The following THSD4 variants were observed in gnomAD, a reference collection of about 807,000 sequenced individuals.
THSD4 encodes thrombospondin type-1 domain-containing protein 4.
Under a neutral mutation model 119.0 loss-of-function variants are expected in THSD4, and 69 were observed. The ratio of observed to expected loss-of-function variants is 0.58; its 90% CI spans 0.48 to 0.71. THSD4 has a LOEUF of 0.71. Among genes scored for constraint, THSD4 ranks in the 30% least tolerant of loss-of-function variants. THSD4 has a pLI of 0.00. For synonymous variants in THSD4, 524 were observed against 540.4 expected (o/e 0.97, Z 0.42); for missense variants, 1,393 against 1,391.1 (o/e 1.00, Z -0.02).
At chr15:71,558,675 T>C (rs2049062772) in intron 7 of THSD4, among the ~76,000 whole-genome samples, 1 of 152,150 alleles carries the variant, frequency 6.6e-6, no homozygotes, top group Non-Finnish European at 1.5e-5. Flanking sequence ...CTTTCTATGT[T>C]GACCAAGCTG....
intron 8 of THSD4, among the ~76,000 whole-genome samples, chr15:71,673,185 A>G (rs1220426282): frequency 6.6e-6 from 1 of 152,160 alleles, no homozygotes; most frequent in Non-Finnish European, 1.5e-5. Context: ...TGGTCTATTC[A>G]GGGATTCAAC....
chr15:71,396,218 C>T (rs1252618723), intron 6 of THSD4, among the ~76,000 whole-genome samples: 1 of 151,926 alleles, frequency 6.6e-6, no homozygotes, highest in Non-Finnish European at 1.5e-5. Flanking sequence ...GATACACCCA[C>T]ATATCTATAC....
chr15:71,103,681 C>T (rs1344291941), intron 1 of THSD4, among the ~76,000 whole-genome samples: 2 of 152,026 alleles, frequency 1.3e-5, no homozygotes, highest in African/African-American at 4.8e-5. Context: ...CTCTTGGAAT[C>T]TTAGATGACT....
At chr15:71,380,023 T>C (rs1309710826) in intron 6 of THSD4, among the ~76,000 whole-genome samples, 2 of 152,086 alleles carry the variant, frequency 1.3e-5, no homozygotes, top group African/African-American at 4.8e-5. Flanking sequence ...AGCTTGGAGT[T>C]TGCCTTATAG....
chr15:71,612,905 C>T (rs1030070997), intron 7 of THSD4, among the ~76,000 whole-genome samples: 3 of 152,198 alleles, frequency 2.0e-5, no homozygotes, highest in Non-Finnish European at 4.4e-5. Flanking sequence ...GAAGTAAACT[C>T]ATAGATTAGT....
At chr15:71,715,860 A>G (rs1481143069) in intron 8 of THSD4, among the ~76,000 whole-genome samples, 1 of 151,938 alleles carries the variant, frequency 6.6e-6, no homozygotes, top group East Asian at 1.9e-4. Context: ...CAAGCCAACC[A>G]AAACACCCAC....
rs149833453 is a variant in THSD4, at chr15:71,335,738, A to G, written c.1016-75949A>G. ...GCAGCTGAGACCTCAACAGCTGTTT[A>G]TCTTCCTGGTCATGTTTCTGGTTTC... On this transcript the variant is annotated intron_variant, in intron 6 of 17. Coordinates refer to ENST00000261862, the MANE Select transcript of THSD4 (RefSeq NM_024817.3). Among the ~76,000 whole-genome samples the G allele has an allele frequency of 2.4e-4, 37 of 152,246 alleles. No homozygotes were observed. In the East Asian group the frequency reaches 6.6e-3, roughly 27 times the overall value.
chr15:71,404,491 G>T (rs2046578667), intron 6 of THSD4, among the ~76,000 whole-genome samples: 2 of 152,190 alleles, frequency 1.3e-5, no homozygotes, highest in African/African-American at 4.8e-5. Context: ...CCATTCACCA[G>T]TTGAGAGACA....
At chr15:71,305,487 T>C (rs903520779) in intron 6 of THSD4, among the ~76,000 whole-genome samples, 4 of 152,084 alleles carry the variant, frequency 2.6e-5, no homozygotes, top group African/African-American at 9.7e-5. Flanking sequence ...GTAGTTAACG[T>C]GGGGTTGGAG....
intron 5 of THSD4, among the ~76,000 whole-genome samples, chr15:71,251,614 C>G (rs1431544126): frequency 1.3e-5 from 2 of 152,150 alleles, no homozygotes; most frequent in Admixed American, 6.5e-5. Flanking sequence ...GGTAGCTGGT[C>G]TTTTGATTGA....
chr15:71,433,133 G>A (rs2046964010), intron 7 of THSD4, among the ~76,000 whole-genome samples: 1 of 151,306 alleles, frequency 6.6e-6, no homozygotes, highest in Non-Finnish European at 1.5e-5. Context: ...TTTTTAATGT[G>A]GAAGACGGCA....
intron 7 of THSD4, among the ~76,000 whole-genome samples, chr15:71,496,781 A>G (rs900837009): frequency 6.6e-6 from 1 of 152,232 alleles, no homozygotes; most frequent in East Asian, 1.9e-4. Flanking sequence ...GAAGTGACTC[A>G]GTCTCTACCA....
intron 7 of THSD4, among the ~76,000 whole-genome samples, chr15:71,650,580 C>A (rs1354319869): frequency 6.6e-6 from 1 of 152,166 alleles, no homozygotes; most frequent in Non-Finnish European, 1.5e-5. Context: ...TCCCAAGGCA[C>A]AAGGCTACTT....
intron 10 of THSD4, among the ~76,000 whole-genome samples, chr15:71,734,275 G>A (rs12594405): frequency 0.8 from 121,840 of 152,082 alleles, 50,613 homozygotes; most frequent in Middle Eastern, 0.93. Flanking sequence ...AAGTCCTTCA[G>A]TAGGTGGATA....
At chr15:71,734,117 G>A (rs2053036561) in intron 10 of THSD4, among the ~76,000 whole-genome samples, 1 of 151,938 alleles carries the variant, frequency 6.6e-6, no homozygotes, top group Admixed American at 6.6e-5. Flanking sequence ...CCCCCTTGTA[G>A]TTTTAACTGT....
chr15:71,237,083 C>T lies in THSD4; in HGVS notation c.465-5566C>T, dbSNP rs552956014. On this transcript the variant is annotated intron_variant, in intron 4 of 17. Coordinates refer to ENST00000261862, the MANE Select transcript of THSD4 (RefSeq NM_024817.3). The stretch of plus-strand genomic sequence containing the variant: ...AGTGGTGTGGGTGGTCCATGCAGGG[C>T]CAGGGCTGACAAGAGATGCAGCAGG... Among the ~76,000 whole-genome samples the T allele has an allele frequency of 3.3e-5, 5 of 152,186 alleles. No homozygotes were observed. In the East Asian group the frequency reaches 9.7e-4, roughly 29 times the overall value.
At chr15:71,730,489 C>T (rs2052955481) in intron 9 of THSD4, 1 of 152,698 alleles carries the variant, frequency 6.5e-6, no homozygotes, top group Admixed American at 6.5e-5. Context: ...TTCCACAGTC[C>T]TACGTAGATT....
chr15:71,747,781 C>T (rs955009542), intron 13 of THSD4, among the ~76,000 whole-genome samples: 3 of 152,202 alleles, frequency 2.0e-5, no homozygotes, highest in East Asian at 3.9e-4. Context: ...CCACAGGTTA[C>T]GTATTAATCA....
intron 8 of THSD4, among the ~76,000 whole-genome samples, chr15:71,723,791 G>C (rs1245835560): frequency 6.6e-6 from 1 of 152,142 alleles, no homozygotes; most frequent in Admixed American, 6.5e-5. Flanking sequence ...AATAGGGCCA[G>C]GCACAGTGGC....
Sources: allele counts gnomAD v4.1 joint callset (sites outside exome capture counted in the v4.1 genomes callset), GRCh38; gene constraint gnomAD v4.1.1; transcripts MANE v1.5; gene names NCBI Gene and HGNC (gene_info 2026-07-23, HGNC 2026-07-21).